SLC13A1: variants seen among roughly 807,000 people sequenced by gnomAD.
SLC13A1 encodes solute carrier family 13 member 1, also known as Na(+)/sulfate cotransporter.
Under a neutral mutation model 70.0 loss-of-function variants are expected in SLC13A1, and 65 were observed. The observed-to-expected ratio is 0.93, with a 90% CI of 0.76 to 1.14. SLC13A1 has a LOEUF of 1.14. Ranked by LOEUF, SLC13A1 falls within the 50% of genes most tolerant of loss-of-function variation. The pLI is 0.00. For missense variants in SLC13A1, 726 were observed against 717.8 expected, an observed-to-expected ratio of 1.01 and a Z score of -0.13; for synonymous variants, 275 against 250.5, an observed-to-expected ratio of 1.10 and a Z score of -0.92.
intron 6 of SLC13A1, chr7:123,148,500 GC>G (rs768222429): frequency 4.9e-5 from 22 of 453,084 alleles, no homozygotes; most frequent in Non-Finnish European, 8.9e-5. Flanking sequence ...TAGGGTGTAA[GC>G]CAAAAGCAAC....
At chr7:123,153,553 G>A (rs1794624242) in intron 6 of SLC13A1, among the ~76,000 whole-genome samples, 1 of 152,022 alleles carries the variant, frequency 6.6e-6, no homozygotes, top group African/African-American at 2.4e-5. Context: ...TAAAGCATGA[G>A]GACTAGAGGG....
chr7:123,117,705 A>G, intron 13 of SLC13A1, 97 bp from the exon 14 acceptor site: 1 of 635,556 alleles, frequency 1.6e-6, no homozygotes, highest in Admixed American at 3.0e-5. Flanking sequence ...TCCCAGAAGC[A>G]TGTTGGAACC....
chr7:123,148,405 C>A, intron 6 of SLC13A1: 1 of 437,334 alleles, frequency 2.3e-6, no homozygotes, highest in South Asian at 1.7e-5. Flanking sequence ...CATAGTTATA[C>A]CTTGGACAAT....
chr7:123,159,340 C>T (rs966855248), intron 6 of SLC13A1, among the ~76,000 whole-genome samples: 5 of 152,134 alleles, frequency 3.3e-5, no homozygotes, highest in Admixed American at 6.6e-5. Context: ...ATGCCTAATC[C>T]GATAGGGCTG....
chr7:123,179,778 G>T (rs1795577569), intron 2 of SLC13A1, among the ~76,000 whole-genome samples: 1 of 151,398 alleles, frequency 6.6e-6, no homozygotes. Flanking sequence ...CAGTTTTATT[G>T]TTACTAAACC....
At chr7:123,143,034 G>A (rs188445680) in intron 7 of SLC13A1, among the ~76,000 whole-genome samples, 10 of 152,224 alleles carry the variant, frequency 6.6e-5, no homozygotes, top group African/African-American at 2.4e-4. Flanking sequence ...TAAAGCTAGA[G>A]CCTGGAAAGG....
chr7:123,153,464 A>T (rs747838928), intron 6 of SLC13A1, among the ~76,000 whole-genome samples: 1 of 152,068 alleles, frequency 6.6e-6, no homozygotes, highest in Non-Finnish European at 1.5e-5. Context: ...AGCTCCATGC[A>T]TTCAGATTTA....
intron 3 of SLC13A1, 102 bp downstream of exon 3, chr7:123,171,666 T>C (rs1795276522): frequency 2.6e-6 from 3 of 1,176,094 alleles, no homozygotes; most frequent in East Asian, 4.7e-5. Context: ...CAGACTGTGA[T>C]ACAAAGAATT....
intron 6 of SLC13A1, among the ~76,000 whole-genome samples, chr7:123,159,683 G>A (rs10262500): frequency 0.56 from 85,668 of 151,994 alleles, 24,198 homozygotes; most frequent in East Asian, 0.64. Context: ...TGTGTGTAGC[G>A]TGAAATAAAA....
At chr7:123,129,709 G>A (rs995611667) in intron 8 of SLC13A1, among the ~76,000 whole-genome samples, 11 of 151,622 alleles carry the variant, frequency 7.3e-5, no homozygotes, top group South Asian at 6.2e-4. Flanking sequence ...TCACTTTTTC[G>A]TGTTCAATTT....
intron 6 of SLC13A1, among the ~76,000 whole-genome samples, chr7:123,165,083 A>G (rs1271942841): frequency 3.3e-5 from 5 of 152,108 alleles, no homozygotes; most frequent in African/African-American, 7.2e-5. Context: ...GTTAAATTAT[A>G]TAGGGTAAAT....
intron 6 of SLC13A1, among the ~76,000 whole-genome samples, chr7:123,147,791 G>A (rs1209696770): frequency 1.3e-5 from 2 of 152,102 alleles, no homozygotes; most frequent in Non-Finnish European, 2.9e-5. Flanking sequence ...TTAAGCTGAA[G>A]CCACTGAAAT....
intron 13 of SLC13A1, 73 bp from the exon 14 acceptor site, chr7:123,117,681 ATT>A: frequency 3.2e-6 from 3 of 937,212 alleles, no homozygotes; most frequent in Non-Finnish European, 4.8e-6. Flanking sequence ...AAAAAAAAGT[ATT>A]ACAATAAGCC....
In SLC13A1 at chr7:123,171,769, A is replaced by C. The variant is rs201101613; in HGVS notation, c.364T>G (p.Trp122Gly). Residue 122 changes from tryptophan (W) to glycine (G), a missense_variant and splice_region_variant, in exon 3 of 15, where the codon TGG becomes GGG. Transcript: ENST00000194130. ...MVMMVGVNPA[W>G]LTLGFMSSTA... ...GGAAGCAGTAAATGCAGTACTTACCATGCAGGATTTACACCAACCATCATC... is the reference window on the plus strand; with the variant it reads ...GGAAGCAGTAAATGCAGTACTTACCCTGCAGGATTTACACCAACCATCATC... 3.0e-4 allele frequency: 483 copies of C among 1,613,662 alleles called. 1 individual carries two copies. Among genetic ancestry groups the C allele is most frequent in the Non-Finnish European group, 5.2e-5 (61 of 1,179,846 alleles).
intron 6 of SLC13A1, among the ~76,000 whole-genome samples, chr7:123,151,386 G>GTGTATA (rs142703205): frequency 0.041 from 6,018 of 145,758 alleles, 243 homozygotes; most frequent in African/African-American, 0.11. Context: ...GTGTGTGTGT[G>GTGTATA]TATATATATA....
intron 6 of SLC13A1, among the ~76,000 whole-genome samples, chr7:123,151,386 G>GTGTATATATATA (rs142703205): frequency 6.9e-6 from 1 of 145,850 alleles, no homozygotes; most frequent in African/African-American, 2.6e-5. Flanking sequence ...GTGTGTGTGT[G>GTGTATATATATA]TATATATATA....
In SLC13A1 at chr7:123,168,689, A is replaced by AAT. The variant is rs28364232; in HGVS notation, c.554-129_554-128insAT. ...TAAAAAATTCACTGTGTACTAACAT[A>AAT]ACAGTCATCTTATTTTATAAATACA... On this transcript the variant is annotated intron_variant, in intron 4 of 14. Transcript: ENST00000194130. The AAT allele has an allele frequency of 2.8e-3, 1,821 of 646,110 alleles. 17 individuals carry two copies. Among genetic ancestry groups the AAT allele is most frequent in the Admixed American group, 0.018 (609 of 33,114 alleles). The allele number at this position is 646,110 out of a possible 1,614,324, so 40.0% of individuals were successfully genotyped here.
rs10281158 is a variant in SLC13A1 at position 123,197,487 on chromosome 7, C to T, written c.99+2361G>A. 7.0e-3 allele frequency among the ~76,000 whole-genome samples: 1,060 copies of T among 152,130 alleles called. 12 individuals are homozygous for T. Among genetic ancestry groups the T allele is most frequent in the African/African-American group, 0.024 (1,016 of 41,534 alleles). On this transcript the variant is annotated intron_variant, in intron 1 of 14. Transcript: ENST00000194130. ...AACTTCTCCTTAAATTTTATACCCT[C>T]CAAAGGCCTACATTCTTTAAAAAAA...
chr7:123,179,273 G>C (rs1400066908), intron 2 of SLC13A1, among the ~76,000 whole-genome samples: 1 of 152,144 alleles, frequency 6.6e-6, no homozygotes, highest in African/African-American at 2.4e-5. Flanking sequence ...ATAAAGCTGA[G>C]TTACTTATGA....
Sources: gnomAD v4.1 joint callset for allele counts (sites outside exome capture counted in the v4.1 genomes callset) on GRCh38, gnomAD v4.1.1 for gene constraint, MANE v1.5 for transcripts, NCBI Gene and HGNC (gene_info 2026-07-23, HGNC 2026-07-21) for gene names.